DCTN1: variants seen among roughly 807,000 people sequenced by gnomAD.
The protein encoded by DCTN1 is 150 kDa dynein-associated polypeptide.
Under a neutral mutation model 161.2 loss-of-function variants are expected in DCTN1, and 61 were observed. The observed-to-expected ratio is 0.38, with a 90% confidence interval of 0.31 to 0.47. The LOEUF is 0.47. Ranked by LOEUF, DCTN1 falls within the 20% of genes least tolerant of loss-of-function variation. The pLI is 0.99. For synonymous variants in DCTN1, 653 were observed against 632.4 expected (o/e 1.03, Z -0.49); for missense variants, 1,404 against 1,623.7 (o/e 0.86, Z 2.33).
rs370072883 is a variant in DCTN1 at position 74,369,258 on chromosome 2, C to T, written c.1584+42G>A. ...AAGCACAGCTGGGTCATAAGGAAGC[C>T]CTGGGGTGATGGTGGGCAGAGAGCA... On this transcript the variant is annotated intron_variant, in intron 14 of 31. Coordinates refer to ENST00000628224, the MANE Select transcript of DCTN1 (RefSeq NM_004082.5). The surrounding 1 kb of genome is among the most constrained non-coding windows in gnomAD (Gnocchi z 4.9). 170 of 1,614,014 alleles carry T rather than the reference C, an allele frequency of 1.1e-4. No homozygotes were observed. Among genetic ancestry groups the T allele is most frequent in the Non-Finnish European group, 1.4e-4 (168 of 1,180,034 alleles).
rs773394692 is a variant in DCTN1 at position 74,370,360 on chromosome 2, G to C, written c.1128-15C>G. The C allele has an allele frequency of 3.1e-6, 5 of 1,613,896 alleles. 1 individual carries two copies. Among genetic ancestry groups the C allele is most frequent in the Admixed American group, 1.7e-5 (1 of 60,014 alleles). On this transcript the variant is annotated splice_polypyrimidine_tract_variant and intron_variant, in intron 11 of 31. Coordinates refer to ENST00000628224, the MANE Select transcript of DCTN1 (RefSeq NM_004082.5). The surrounding 1 kb of genome is among the most constrained non-coding windows in gnomAD (Gnocchi z 4.4). ...GATCCCGCATCCTGCAGGGATGTGAGGAAGGCAGAAGGAGGAAAGCACGTG... is the reference window on the plus strand; with the variant it reads ...GATCCCGCATCCTGCAGGGATGTGACGAAGGCAGAAGGAGGAAAGCACGTG...
upstream of DCTN1, among the ~76,000 whole-genome samples, chr2:74,383,076 C>T (rs1042046032): frequency 5.5e-5 from 8 of 146,384 alleles, no homozygotes; most frequent in South Asian, 4.2e-4. Flanking sequence ...AGCGAGACTC[C>T]GTCTCAAAAA....
At position 74,370,845 on chromosome 2, in the gene DCTN1, G is replaced by A; in HGVS notation, c.844-20C>T. 6.2e-7 allele frequency: 1 copy of A among 1,614,114 alleles called. No individual in the cohort carries two copies. The highest frequency in any genetic ancestry group is 8.5e-7 in the Non-Finnish European group (1 of 1,179,998). On this transcript the variant is annotated intron_variant, in intron 9 of 31. Coordinates refer to ENST00000628224, the MANE Select transcript of DCTN1 (RefSeq NM_004082.5). The surrounding 1 kb of genome is among the most constrained non-coding windows in gnomAD (Gnocchi z 4.4). Reference sequence around the variant, plus strand: ...GGCTTCCTGAGGAAGAAGTGGAGGTGGGAGGGGGTACCAGCACAGAGATGC... The same window carrying A: ...GGCTTCCTGAGGAAGAAGTGGAGGTAGGAGGGGGTACCAGCACAGAGATGC...
chr2:74,366,122 A>G, intron 23 of DCTN1, 104 bp from the exon 24 acceptor site: 1 of 1,611,268 alleles, frequency 6.2e-7, no homozygotes, highest in Non-Finnish European at 8.5e-7. Flanking sequence ...CCTGCCTTCT[A>G]GGCAGGATGG....
chr2:74,363,394 G>C lies in DCTN1; in HGVS notation c.3245C>G (p.Pro1082Arg), dbSNP rs1233075521. Residue 1082 changes from proline to arginine, a missense_variant, in exon 28 of 32, where the codon CCA becomes CGA. By Grantham distance (103) the Pro-to-Arg change is moderately radical. This residue lies in a region of DCTN1 where 311 missense variants were observed against 298.9 expected (regional missense o/e 1.04). Coordinates refer to ENST00000628224, the MANE Select transcript of DCTN1 (RefSeq NM_004082.5). ...TGAGTCCTTCACCAGCCCTGGGCCT[G>C]GCACAGACCCTGGAGCCTGCCCAGG... ...AIPGQAPGSV[P>R]GPGLVKDSPL... The C allele has an allele frequency of 1.2e-6, 2 of 1,612,610 alleles. No individual in the cohort carries two copies. Among genetic ancestry groups the C allele is most frequent in the Non-Finnish European group, 1.7e-6 (2 of 1,179,644 alleles).
Position 74,366,395 on chromosome 2 carries a change from A to C in DCTN1, c.2629-20T>G. 6.2e-7 allele frequency: 1 copy of C among 1,614,194 alleles called. No homozygotes were observed. The highest frequency in any genetic ancestry group is 8.5e-7 in the Non-Finnish European group (1 of 1,180,032). ...ATAGATCTGCAGGAGCCAAGGGCAG[A>C]AGTAAAAGCCCCACACTGGTCACTA... On this transcript the variant is annotated intron_variant, in intron 22 of 31. Transcript: ENST00000628224.
intron 1 of DCTN1, among the ~76,000 whole-genome samples, chr2:74,389,070 C>T (rs142919209): frequency 1.7e-4 from 26 of 152,218 alleles, no homozygotes; most frequent in African/African-American, 5.8e-4. Flanking sequence ...ACCACAGAGA[C>T]AGCTCTAGGT....
chr2:74,371,532 C>T lies in DCTN1; in HGVS notation c.645+5G>A, dbSNP rs1415593705. ...ATTCTCCTTTACCCCTACCCCAGGC[C>T]TTACCTTGGATGGGGAAGGAAGCGG... On this transcript the variant is annotated splice_donor_5th_base_variant and intron_variant, in intron 8 of 31. Transcript: ENST00000628224. 1 of 1,565,558 alleles carries T rather than the reference C, an allele frequency of 6.4e-7. No homozygotes were observed. Among genetic ancestry groups the T allele is most frequent in the South Asian group, 1.2e-5 (1 of 85,126 alleles).
At position 74,365,148 on chromosome 2, in the gene DCTN1, G is replaced by C. The variant is rs769629500; in HGVS notation, c.3123C>G (p.Ser1041=). 2.4e-5 allele frequency: 39 copies of C among 1,614,056 alleles called. No homozygotes were observed. Among genetic ancestry groups the C allele is most frequent in the Non-Finnish European group, 3.1e-5 (37 of 1,180,046 alleles). ...AELKQRLNSQ[S]KRTIEGLRGP... is the part of the protein sequence containing the mutation. ...CCCGGAGTCCCTCAATCGTGCGTTT[G>C]GACTGGCTGTTCAGACGCTGCTTTA... Residue 1041 remains serine (S), a synonymous_variant, in exon 26 of 32, where the codon TCC becomes TCG. Transcript: ENST00000628224.
intron 18 of DCTN1, 87 bp from the exon 19 acceptor site, chr2:74,367,507 AT>A: frequency 6.5e-7 from 1 of 1,531,516 alleles, no homozygotes; most frequent in Non-Finnish European, 9.0e-7. Context: ...CCTGGTCATC[AT>A]GGGTCTCTGG....
In DCTN1 at chr2:74,369,185, C is replaced by G; in HGVS notation, c.1614G>C (p.Gln538His). The change falls in exon 15 of 32, where the codon CAG (glutamine) becomes CAC (histidine). Residue 538 changes from glutamine to histidine, a missense_variant. Physicochemically the swap from Gln to His is conservative, Grantham distance 24 (BLOSUM62 0). Coordinates refer to ENST00000628224, the MANE Select transcript of DCTN1 (RefSeq NM_004082.5). This position sits in a 1 kb window ranked among gnomAD's most constrained non-coding sequence, Gnocchi z 4.9. ...GCTGTTGCCTCTCCACAGATGCTTC[C>G]TGCTGGTTTGTCAGTTCCCGATTCA... Reference protein sequence around the residue: ...QDVNRELTNQQEASVERQQQP... With the variant: ...QDVNRELTNQHEASVERQQQP... 1 of 1,614,256 alleles carries G rather than the reference C, an allele frequency of 6.2e-7. No homozygotes were observed. The highest frequency in any genetic ancestry group is 1.3e-5 in the African/African-American group (1 of 75,064).
At position 74,361,587 on chromosome 2, in the gene DCTN1, A is replaced by G; in HGVS notation, c.3749T>C (p.Phe1250Ser). 1 of 1,614,096 alleles carries G rather than the reference A, an allele frequency of 6.2e-7. No homozygotes were observed. The highest frequency in any genetic ancestry group is 8.5e-7 in the Non-Finnish European group (1 of 1,180,004). Residue 1250 changes from phenylalanine (F) to serine (S), a missense_variant, in exon 32 of 32, where the codon TTC (phenylalanine) becomes TCC (serine). Around this residue, in one of 9 missense-constraint regions of DCTN1, gnomAD observed 311 missense variants for 298.9 expected, o/e 1.04. Coordinates refer to ENST00000628224, the MANE Select transcript of DCTN1 (RefSeq NM_004082.5). ...DDTVYMGKVTFSCAAGFGQRH... is the reference protein window; with the variant it reads ...DDTVYMGKVTSSCAAGFGQRH... The stretch of plus-strand genomic sequence containing the variant: ...CTGTCCAAAACCAGCCGCACATGAG[A>G]AGGTCACTTTGCCCATGTAGACTGT...
intron 21 of DCTN1, 30 bp downstream of exon 21, chr2:74,366,753 T>C: frequency 6.2e-7 from 1 of 1,614,244 alleles, no homozygotes; most frequent in Non-Finnish European, 8.5e-7. Flanking sequence ...CTACTCAGTT[T>C]CCTTCCCTTC....
chr2:74,380,039 T>C lies in DCTN1; in HGVS notation c.-2A>G. 1 of 1,614,126 alleles carries C rather than the reference T, an allele frequency of 6.2e-7. No individual in the cohort carries two copies. Among genetic ancestry groups the C allele is most frequent in the African/African-American group, 1.3e-5 (1 of 75,032 alleles). Reference sequence around the variant, plus strand: ...CACGTGCCTCTTGCTCTGTGCCATGTTGCTCACCCGGCCTCTACCCCCTCC... The same window carrying C: ...CACGTGCCTCTTGCTCTGTGCCATGCTGCTCACCCGGCCTCTACCCCCTCC... On this transcript the variant is annotated 5_prime_UTR_variant, in exon 1 of 32. Transcript: ENST00000628224.
Position 74,369,804 on chromosome 2 carries a change from G to A in DCTN1, c.1392+161C>T, listed in dbSNP as rs1291681641. ...GCGCTCCAGCCTGGCAACAGAGCGA[G>A]ATTCCATCTCAGAAAAAAAAAAAAA... On this transcript the variant is annotated intron_variant, in intron 13 of 31. Coordinates refer to ENST00000628224, the MANE Select transcript of DCTN1 (RefSeq NM_004082.5). The surrounding 1 kb of genome is among the most constrained non-coding windows in gnomAD (Gnocchi z 4.9). Among the ~76,000 whole-genome samples, 3 of 133,280 alleles carry A rather than the reference G, an allele frequency of 2.3e-5. No individual in the cohort carries two copies. In the South Asian group the frequency reaches 8.2e-4, roughly 36 times the overall value. 87.4% of individuals were successfully genotyped at this position (133,280 alleles called of 152,430 possible). A position where few individuals can be genotyped will look rare whatever the true frequency, so the allele number is the denominator to read the frequency against.
At chr2:74,379,524 T>C (rs774970776) in intron 1 of DCTN1, among the ~76,000 whole-genome samples, 25 of 152,046 alleles carry the variant, frequency 1.6e-4, no homozygotes, top group Non-Finnish European at 2.5e-4. Context: ...ATAAAAGGAA[T>C]TGCCAGTGAT....
rs745709544 is a variant in DCTN1, at chr2:74,365,274, C to A, written c.3030-33G>T. The A allele has an allele frequency of 7.4e-6, 12 of 1,613,146 alleles. No homozygotes were observed. The South Asian group carries it at 1.2e-4, about 16-fold the overall frequency. On this transcript the variant is annotated intron_variant, in intron 25 of 31. Coordinates refer to ENST00000628224, the MANE Select transcript of DCTN1 (RefSeq NM_004082.5). ...AGAGAATCTGGGCTTTGGCAGTGTC[C>A]CTTCTCTAAAGCACTCCTTGACTAT...
chr2:74,366,970 A>G, intron 20 of DCTN1, 38 bp from the exon 21 acceptor site: 1 of 1,614,204 alleles, frequency 6.2e-7, no homozygotes, highest in Non-Finnish European at 8.5e-7. Context: ...GAACCAAGTT[A>G]GCATTAAGGC....
chr2:74,366,989 A>C, intron 20 of DCTN1, 56 bp downstream of exon 20: 1 of 1,614,188 alleles, frequency 6.2e-7, no homozygotes, highest in Non-Finnish European at 8.5e-7. Context: ...GCTCGGAGTA[A>C]GGAAGTGAGG....
Sources: allele counts gnomAD v4.1 joint callset (sites outside exome capture counted in the v4.1 genomes callset), GRCh38; gene constraint gnomAD v4.1.1; regional missense constraint gnomAD v4.1.1; non-coding constraint Gnocchi (gnomAD v3.1); transcripts MANE v1.5; gene names NCBI Gene and HGNC (gene_info 2026-07-23, HGNC 2026-07-21).